The following CSMD1 variants were observed in gnomAD, a reference collection of about 807,000 sequenced individuals.
CSMD1 encodes the protein CUB and Sushi multiple domains 1.
In CSMD1, 213 loss-of-function variants were observed where a neutral mutation model predicts 417.5. The observed-to-expected ratio is 0.51, with a 90% CI of 0.46 to 0.57. The LOEUF is 0.57. CSMD1 is among the 20% of genes least tolerant of loss of function. CSMD1 has a pLI of 0.00. For missense variants in CSMD1, 6,923 were observed against 4,529.7 expected (o/e 1.53, Z -15.17); for synonymous variants, 2,862 against 1,736.8 (o/e 1.65, Z -16.11).
At chr8:4,167,993 G>A (rs901107531) in intron 3 of CSMD1, among the ~76,000 whole-genome samples, 2 of 151,984 alleles carry the variant, frequency 1.3e-5, no homozygotes, top group Non-Finnish European at 2.9e-5. Context: ...GCCAGGCGTG[G>A]TGGCAGACTC....
intron 12 of CSMD1, among the ~76,000 whole-genome samples, chr8:3,432,306 C>T (rs992888088): frequency 8.6e-5 from 13 of 151,930 alleles, no homozygotes; most frequent in Admixed American, 2.0e-4. Flanking sequence ...GAAAGATAGA[C>T]GGTTAAAAGA....
rs1312669624 is a variant in CSMD1, at chr8:3,817,784, C to G, written c.819-63742G>C. Among the ~76,000 whole-genome samples, 3 of 152,024 alleles carry G rather than the reference C, an allele frequency of 2.0e-5. No homozygotes were observed. The East Asian group carries it at 5.8e-4, about 29-fold the overall frequency. ...GGTCTTCCAAAAGCCCCAATGCAGA[C>G]CAAAGTCAGGAATGTTTAATAAGCA... On this transcript the variant is annotated intron_variant, in intron 5 of 69. Transcript: ENST00000635120.
intron 1 of CSMD1, among the ~76,000 whole-genome samples, chr8:4,683,701 C>T (rs931454880): frequency 6.6e-6 from 1 of 152,194 alleles, no homozygotes; most frequent in Non-Finnish European, 1.5e-5. Context: ...CTTGGGGTCC[C>T]ACCAGGGGTC....
intron 5 of CSMD1, among the ~76,000 whole-genome samples, chr8:3,870,680 G>T (rs1024865664): frequency 6.6e-6 from 1 of 152,060 alleles, no homozygotes; most frequent in South Asian, 2.1e-4. Flanking sequence ...ATATTAGAGG[G>T]ATGTTAAGTA....
intron 11 of CSMD1, among the ~76,000 whole-genome samples, chr8:3,482,742 T>C (rs998278605): frequency 9.9e-5 from 15 of 152,190 alleles, no homozygotes; most frequent in South Asian, 2.1e-4. Flanking sequence ...ATAATAGATC[T>C]TGACATATTC....
In CSMD1 at chr8:3,880,722, C is replaced by A. The variant is rs539796961; in HGVS notation, c.818+117181G>T. Reference sequence around the variant, plus strand: ...TCCTCAGCTCCAATCCTTAAATAAGCAAAATATATTAAAATTATATTATAC... The same window carrying A: ...TCCTCAGCTCCAATCCTTAAATAAGAAAAATATATTAAAATTATATTATAC... On this transcript the variant is annotated intron_variant, in intron 5 of 69. Transcript: ENST00000635120. Among the ~76,000 whole-genome samples the A allele has an allele frequency of 1.0e-3, 153 of 152,216 alleles. 1 individual carries two copies. The highest frequency in any genetic ancestry group is 3.4e-3 in the African/African-American group (142 of 41,548).
intron 1 of CSMD1, among the ~76,000 whole-genome samples, chr8:4,650,834 G>A (rs1251469257): frequency 1.3e-5 from 2 of 152,176 alleles, no homozygotes; most frequent in Non-Finnish European, 2.9e-5. Context: ...AGGTTGTAGA[G>A]TAGAAAGCAG....
At chr8:4,344,242 C>G (rs545058415) in intron 3 of CSMD1, among the ~76,000 whole-genome samples, 2 of 152,276 alleles carry the variant, frequency 1.3e-5, no homozygotes, top group African/African-American at 2.4e-5. Flanking sequence ...GTGCCTCTGA[C>G]ACAATCATCT....
At chr8:3,759,225 G>A (rs1325263555) in intron 5 of CSMD1, among the ~76,000 whole-genome samples, 1 of 152,140 alleles carries the variant, frequency 6.6e-6, no homozygotes, top group Non-Finnish European at 1.5e-5. Flanking sequence ...GCTTTTATAT[G>A]TCAACCATAT....
chr8:4,029,267 G>T (rs1384211569), intron 4 of CSMD1, among the ~76,000 whole-genome samples: 1 of 152,136 alleles, frequency 6.6e-6, no homozygotes, highest in Admixed American at 6.5e-5. Flanking sequence ...TGGATATTTG[G>T]GGGATATAAT....
At chr8:3,054,534 C>G (rs1812083765) in intron 49 of CSMD1, among the ~76,000 whole-genome samples, 1 of 152,172 alleles carries the variant, frequency 6.6e-6, no homozygotes, top group Non-Finnish European at 1.5e-5. Context: ...GGATGGACTG[C>G]TTAAGCCCAG....
At chr8:3,695,362 A>C (rs1800492702) in intron 7 of CSMD1, among the ~76,000 whole-genome samples, 2 of 152,170 alleles carry the variant, frequency 1.3e-5, no homozygotes, top group Middle Eastern at 6.8e-3. Flanking sequence ...TAACCACAAA[A>C]AAAAATAATG....
intron 49 of CSMD1, among the ~76,000 whole-genome samples, chr8:3,078,277 C>A (rs913680946): frequency 6.6e-6 from 1 of 152,304 alleles, no homozygotes; most frequent in East Asian, 1.9e-4. Flanking sequence ...CCACTGACTA[C>A]AATACTGCTT....
At chr8:4,301,974 G>A (rs576423854) in intron 3 of CSMD1, among the ~76,000 whole-genome samples, 36 of 152,304 alleles carry the variant, frequency 2.4e-4, no homozygotes, top group African/African-American at 8.2e-4. Context: ...CCTCAAACTA[G>A]ATCCTGTTCA....
intron 4 of CSMD1, among the ~76,000 whole-genome samples, chr8:4,019,925 A>C (rs1031648021): frequency 1.3e-5 from 2 of 151,950 alleles, no homozygotes; most frequent in Non-Finnish European, 2.9e-5. Flanking sequence ...AAAAAAAAAA[A>C]AAAAAACCCT....
chr8:3,892,807 A>G (rs553758968), intron 5 of CSMD1, among the ~76,000 whole-genome samples: 112 of 148,618 alleles, frequency 7.5e-4, no homozygotes, highest in Non-Finnish European at 1.1e-3. Context: ...ACGTGAACTC[A>G]GGTGAGCCAT....
intron 5 of CSMD1, among the ~76,000 whole-genome samples, chr8:3,835,993 G>C (rs902059806): frequency 6.6e-6 from 1 of 151,970 alleles, no homozygotes; most frequent in Non-Finnish European, 1.5e-5. Context: ...ATTTCTATAA[G>C]ATTCTATCAT....
At chr8:3,689,772 T>C (rs373537979) in intron 7 of CSMD1, among the ~76,000 whole-genome samples, 2 of 152,176 alleles carry the variant, frequency 1.3e-5, no homozygotes, top group Admixed American at 6.5e-5. Context: ...CCCAGAGTTA[T>C]AAAGTGATTT....
At chr8:4,032,819 T>C (rs1197513575) in intron 3 of CSMD1, among the ~76,000 whole-genome samples, 1 of 152,208 alleles carries the variant, frequency 6.6e-6, no homozygotes, top group Non-Finnish European at 1.5e-5. Flanking sequence ...GTCAACCATC[T>C]GAATGGACAC....
Sources: allele counts gnomAD v4.1 joint callset (sites outside exome capture counted in the v4.1 genomes callset), GRCh38; gene constraint gnomAD v4.1.1; transcripts MANE v1.5; gene names NCBI Gene and HGNC (gene_info 2026-07-23, HGNC 2026-07-21).